CACNG2: variants seen among roughly 807,000 people sequenced by gnomAD.
CACNG2 encodes voltage-dependent calcium channel gamma-2 subunit.
CACNG2 carries 3 observed loss-of-function variants against 25.9 expected under a neutral mutation model. That is an observed-to-expected ratio of 0.12 (90% CI 0.05 to 0.30). The LOEUF is 0.30. Among genes scored for constraint, CACNG2 ranks in the 10% least tolerant of loss-of-function variants. The pLI, the probability that CACNG2 is intolerant of heterozygous loss-of-function variation, is 1.00. For synonymous variants in CACNG2, 167 were observed against 173.3 expected (o/e 0.96, Z 0.29); for missense variants, 341 against 432.5 (o/e 0.79, Z 1.88).
chr22:36,623,424 A>C (rs1936138297), intron 1 of CACNG2, among the ~76,000 whole-genome samples: 2 of 152,168 alleles, frequency 1.3e-5, no homozygotes, highest in African/African-American at 4.8e-5. Context: ...GAGAGCCTCG[A>C]CTAAAACCAC....
chr22:36,565,369 T>G (rs1935108373), intron 3 of CACNG2, among the ~76,000 whole-genome samples: 1 of 152,196 alleles, frequency 6.6e-6, no homozygotes, highest in Non-Finnish European at 1.5e-5. Context: ...AAGTTAACCT[T>G]GGTTTGAGTT....
chr22:36,645,664 C>T (rs567186134), intron 1 of CACNG2, among the ~76,000 whole-genome samples: 23 of 151,686 alleles, frequency 1.5e-4, no homozygotes, highest in Non-Finnish European at 2.6e-4. Flanking sequence ...TCTTCCTTGA[C>T]GGCAATGGAT....
At chr22:36,653,980 CTCTG>C (rs1936664832) in intron 1 of CACNG2, among the ~76,000 whole-genome samples, 1 of 78,974 alleles carries the variant, frequency 1.3e-5, no homozygotes, top group African/African-American at 6.9e-5. Flanking sequence ...GTGTGTGTGT[CTCTG>C]TGTGTGTGTG....
In CACNG2 at chr22:36,621,943, C is replaced by T. The variant is rs561062037; in HGVS notation, c.212-34395G>A. On this transcript the variant is annotated intron_variant, in intron 1 of 3. Coordinates refer to ENST00000300105, the MANE Select transcript of CACNG2 (RefSeq NM_006078.5). ...TCCAGCATGTTGGTTCATGTATCTG[C>T]CAAAGACGACAACAATTAAACAGCA... 2.0e-5 allele frequency among the ~76,000 whole-genome samples: 3 copies of T among 152,332 alleles called. No individual in the cohort carries two copies. The South Asian group carries it at 6.2e-4, about 32-fold the overall frequency.
chr22:36,629,552 G>C (rs1936236528), intron 1 of CACNG2, among the ~76,000 whole-genome samples: 1 of 151,990 alleles, frequency 6.6e-6, no homozygotes, highest in Non-Finnish European at 1.5e-5. Context: ...GTGAGAGAGA[G>C]AGAGAGAGCA....
rs1008882236 is a variant in CACNG2, at chr22:36,564,058, C to T, written c.*293G>A. 1 of 282,872 alleles carries T rather than the reference C, an allele frequency of 3.5e-6. No homozygotes were observed. Among genetic ancestry groups the T allele is most frequent in the South Asian group, 1.2e-4 (1 of 8,198 alleles). The allele number at this position is 282,872 out of a possible 1,614,324, so 17.5% of individuals were successfully genotyped here. A position where few individuals can be genotyped will look rare whatever the true frequency, so the allele number is the denominator to read the frequency against. On this transcript the variant is annotated 3_prime_UTR_variant, in exon 4 of 4. Transcript: ENST00000300105. This position sits in a 1 kb window ranked among gnomAD's most constrained non-coding sequence, Gnocchi z 6.7. ...ATTTTCTATTTTTAATTTTTTATCC[C>T]TCTCGCTTTTTTTTAAAGTTTGTTT...
chr22:36,672,924 C>T (rs746608945), intron 1 of CACNG2, among the ~76,000 whole-genome samples: 16 of 152,176 alleles, frequency 1.1e-4, no homozygotes, highest in Non-Finnish European at 2.1e-4. Flanking sequence ...ATGGGACTTG[C>T]GTAGTTATGT....
chr22:36,685,993 G>A (rs1292885391), intron 1 of CACNG2, among the ~76,000 whole-genome samples: 1 of 152,220 alleles, frequency 6.6e-6, no homozygotes, highest in East Asian at 1.9e-4. Context: ...AGAGGTAAAT[G>A]TGACACCATC....
intron 1 of CACNG2, among the ~76,000 whole-genome samples, chr22:36,637,355 C>T (rs912731771): frequency 2.6e-5 from 4 of 152,160 alleles, no homozygotes; most frequent in Non-Finnish European, 4.4e-5. Context: ...TGGCCACTGA[C>T]GAGTATTAGT....
rs1935032748 is a variant in CACNG2 at position 36,561,802 on chromosome 22, G to A, written c.*2549C>T. 1 of 152,282 alleles carries A rather than the reference G, an allele frequency of 6.6e-6. No individual in the cohort carries two copies. The highest frequency in any genetic ancestry group is 6.5e-5 in the Admixed American group (1 of 15,280). The allele number at this position is 152,282 out of a possible 1,614,324, so 9.4% of individuals were successfully genotyped here. On this transcript the variant is annotated 3_prime_UTR_variant, in exon 4 of 4. Coordinates refer to ENST00000300105, the MANE Select transcript of CACNG2 (RefSeq NM_006078.5). The stretch of plus-strand genomic sequence containing the variant: ...GTCTGAACTGGCCCTTGTCACTCTG[G>A]GGAAGAAAGGGGAGAAACACAGGAT...
At chr22:36,680,126 T>TTACCACCACCATCACCACCATCAC (rs1221176297) in intron 1 of CACNG2, among the ~76,000 whole-genome samples, 3 of 151,108 alleles carry the variant, frequency 2.0e-5, no homozygotes, top group African/African-American at 7.3e-5. Flanking sequence ...ATGGCTATAA[T>TTACCACCACCATCACCACCATCAC]TACCACCACC....
intron 2 of CACNG2, among the ~76,000 whole-genome samples, chr22:36,580,846 G>A (rs555334742): frequency 9.9e-5 from 15 of 151,908 alleles, no homozygotes; most frequent in Non-Finnish European, 1.6e-4. Flanking sequence ...GACACAACAC[G>A]CACACATACA....
chr22:36,563,506 G>T lies in CACNG2; in HGVS notation c.*845C>A, dbSNP rs777955156. Among the ~76,000 whole-genome samples, 1 of 152,108 alleles carries T rather than the reference G, an allele frequency of 6.6e-6. No individual in the cohort carries two copies. The highest frequency in any genetic ancestry group is 1.5e-5 in the Non-Finnish European group (1 of 68,002). ...TCCCCTCTCCTTCCCTTTCCTCAAG[G>T]CCTAGGAAGTCATCACAGTGGGTTA... is the stretch of plus-strand genomic sequence containing the variant. On this transcript the variant is annotated 3_prime_UTR_variant, in exon 4 of 4. Transcript: ENST00000300105.
chr22:36,577,003 G>A (rs1481662020), intron 2 of CACNG2, among the ~76,000 whole-genome samples: 1 of 152,194 alleles, frequency 6.6e-6, no homozygotes, highest in East Asian at 1.9e-4. Context: ...CCTGCTGTCA[G>A]TAGAGATTGG....
intron 1 of CACNG2, among the ~76,000 whole-genome samples, chr22:36,610,927 C>T (rs757751477): frequency 3.9e-5 from 6 of 152,228 alleles, no homozygotes; most frequent in Non-Finnish European, 5.9e-5. Flanking sequence ...CCCTACTCCC[C>T]GTGGCTCTGG....
In CACNG2 at chr22:36,561,854, A is replaced by G. The variant is rs1366551299; in HGVS notation, c.*2497T>C. The G allele has an allele frequency of 6.6e-6, 1 of 152,272 alleles. No individual in the cohort carries two copies. Among genetic ancestry groups the G allele is most frequent in the Non-Finnish European group, 1.5e-5 (1 of 68,082 alleles). 9.4% of individuals were successfully genotyped at this position (152,272 alleles called of 1,614,324 possible). On this transcript the variant is annotated 3_prime_UTR_variant, in exon 4 of 4. Coordinates refer to ENST00000300105, the MANE Select transcript of CACNG2 (RefSeq NM_006078.5). Reference sequence around the variant, plus strand: ...CCCTTGACCTTTAGTCTGTGGTGCAAGTTTAACTTTTGGGGTTGGTCCTTA... The same window carrying G: ...CCCTTGACCTTTAGTCTGTGGTGCAGGTTTAACTTTTGGGGTTGGTCCTTA...
intron 2 of CACNG2, among the ~76,000 whole-genome samples, chr22:36,576,672 TAGAA>T (rs1205869177): frequency 2.7e-5 from 4 of 149,830 alleles, no homozygotes; most frequent in Admixed American, 6.6e-5. Flanking sequence ...GGGTGAGAAA[TAGAA>T]AGAGAAGTCA....
chr22:36,688,539 C>CCAAA (rs773454341), intron 1 of CACNG2, among the ~76,000 whole-genome samples: 1 of 70,144 alleles, frequency 1.4e-5, no homozygotes. Context: ...GACCCTGTCT[C>CCAAA]AAAAAAAAAA....
At position 36,629,771 on chromosome 22, in the gene CACNG2, C is replaced by T. The variant is rs888055334; in HGVS notation, c.212-42223G>A. Among the ~76,000 whole-genome samples, 9 of 152,220 alleles carry T rather than the reference C, an allele frequency of 5.9e-5. No homozygotes were observed. In the Middle Eastern group the frequency reaches 0.014, roughly 230 times the overall value. On this transcript the variant is annotated intron_variant, in intron 1 of 3. Transcript: ENST00000300105. Reference sequence around the variant, plus strand: ...CACAAGTTCCCAAGTTTCCCAAGGACGCAGTGAAGAAGACAGAGAAAGTCT... The same window carrying T: ...CACAAGTTCCCAAGTTTCCCAAGGATGCAGTGAAGAAGACAGAGAAAGTCT...
Sources: gnomAD v4.1 joint callset for allele counts (sites outside exome capture counted in the v4.1 genomes callset) on GRCh38, gnomAD v4.1.1 for gene constraint, Gnocchi (gnomAD v3.1) non-coding constraint, MANE v1.5 for transcripts, NCBI Gene and HGNC (gene_info 2026-07-23, HGNC 2026-07-21) for gene names.